Variants in MPZL1 observed in about 807,000 individuals in gnomAD.
The protein encoded by MPZL1 is myelin protein zero like 1, also known as myelin protein zero-like protein 1.
In MPZL1, 16 loss-of-function variants were observed where a neutral mutation model predicts 29.3. The observed-to-expected ratio is 0.55, with a 90% CI of 0.37 to 0.83. The LOEUF is 0.83. MPZL1 is among the 40% of genes least tolerant of loss of function. The pLI, the probability that MPZL1 is intolerant of heterozygous loss-of-function variation, is 0.00. For missense variants in MPZL1, 279 were observed against 332.9 expected (o/e 0.84, Z 1.26); for synonymous variants, 143 against 132.0 (o/e 1.08, Z -0.57).
chr1:167,732,139 AT>A (rs1476720587), intron 1 of MPZL1, among the ~76,000 whole-genome samples: 4 of 152,168 alleles, frequency 2.6e-5, no homozygotes. Flanking sequence ...TATTGTATTA[AT>A]TTTTTAAAAT....
At chr1:167,739,645 A>G (rs905417599) in intron 1 of MPZL1, among the ~76,000 whole-genome samples, 1 of 152,150 alleles carries the variant, frequency 6.6e-6, no homozygotes, top group Non-Finnish European at 1.5e-5. Flanking sequence ...GAGAAGCCCC[A>G]GGGAGCCTGG....
At chr1:167,746,584 G>C (rs1317166535) in intron 1 of MPZL1, among the ~76,000 whole-genome samples, 1 of 152,200 alleles carries the variant, frequency 6.6e-6, no homozygotes, top group Non-Finnish European at 1.5e-5. Flanking sequence ...ACTTTACCAA[G>C]GGGGTGCTAT....
intron 1 of MPZL1, among the ~76,000 whole-genome samples, chr1:167,744,002 C>T (rs1040909597): frequency 6.6e-6 from 1 of 151,990 alleles, no homozygotes; most frequent in Non-Finnish European, 1.5e-5. Context: ...AGAGGGACTG[C>T]TTTCAACTTT....
intron 5 of MPZL1, among the ~76,000 whole-genome samples, chr1:167,780,739 GA>G (rs1184759656): frequency 6.6e-6 from 1 of 152,156 alleles, no homozygotes; most frequent in Admixed American, 6.5e-5. Flanking sequence ...GGGGAAGGAA[GA>G]ATAGGGAGTT....
At chr1:167,734,260 A>C (rs1202561202) in intron 1 of MPZL1, among the ~76,000 whole-genome samples, 1 of 151,888 alleles carries the variant, frequency 6.6e-6, no homozygotes, top group Non-Finnish European at 1.5e-5. Context: ...CATCTCAAAA[A>C]AAAAAAAAGA....
At chr1:167,769,129 A>T (rs1346621408) in intron 2 of MPZL1, among the ~76,000 whole-genome samples, 4 of 152,170 alleles carry the variant, frequency 2.6e-5, no homozygotes, top group African/African-American at 7.2e-5. Context: ...TATTTATGAA[A>T]TATCAGGTAG....
At chr1:167,737,401 C>T (rs1033317153) in intron 1 of MPZL1, among the ~76,000 whole-genome samples, 1 of 152,104 alleles carries the variant, frequency 6.6e-6, no homozygotes, top group African/African-American at 2.4e-5. Context: ...GGCTCAGGGC[C>T]AGGATGAGGC....
chr1:167,781,784 G>A lies in MPZL1; in HGVS notation c.708+5618G>A, dbSNP rs1294911171. Among the ~76,000 whole-genome samples the A allele has an allele frequency of 3.9e-5, 6 of 152,090 alleles. No homozygotes were observed. In the East Asian group the frequency reaches 1.2e-3, roughly 29 times the overall value. ...TGTAGGTAATCTGTCGCTTCTCTCT[G>A]GCTGCTTTTCGGATCTTCTTTATGC... On this transcript the variant is annotated intron_variant, in intron 5 of 5. Transcript: ENST00000359523.
chr1:167,752,262 T>G (rs756142564), intron 1 of MPZL1, among the ~76,000 whole-genome samples: 16 of 152,184 alleles, frequency 1.1e-4, no homozygotes, highest in Non-Finnish European at 2.1e-4. Flanking sequence ...TTTTTCAAAT[T>G]TTGACTTTAA....
In MPZL1 at chr1:167,765,589, C is replaced by A; in HGVS notation, c.98C>A (p.Ala33Asp). Residue 33 changes from alanine to aspartate, a missense_variant, in exon 2 of 6, where the codon GCT (alanine) becomes GAT (aspartate). Physicochemically the swap from Ala to Asp is moderately radical, Grantham distance 126 (BLOSUM62 -2). Transcript: ENST00000359523. ...CTTATTCCTTTCTCTTCAGTGACAGCTGGAGTATCAGCCTTGGAAGTATAT... is the reference window on the plus strand; with the variant it reads ...CTTATTCCTTTCTCTTCAGTGACAGATGGAGTATCAGCCTTGGAAGTATAT... The part of the protein sequence containing the change: ...VLAAALGLLT[A>D]GVSALEVYTP... 6.2e-7 allele frequency: 1 copy of A among 1,605,716 alleles called. No individual in the cohort carries two copies. The highest frequency in any genetic ancestry group is 8.5e-7 in the Non-Finnish European group (1 of 1,176,142).
intron 1 of MPZL1, among the ~76,000 whole-genome samples, chr1:167,748,078 CATA>C (rs1660683618): frequency 6.6e-6 from 1 of 152,070 alleles, no homozygotes. Flanking sequence ...TTTTTATAGC[CATA>C]ATATTCCATT....
chr1:167,771,994 G>A (rs1207134164), intron 2 of MPZL1, among the ~76,000 whole-genome samples: 5 of 152,090 alleles, frequency 3.3e-5, no homozygotes, highest in South Asian at 2.1e-4. Context: ...GTGGCCGCAC[G>A]TGCCTGCAAT....
intron 1 of MPZL1, among the ~76,000 whole-genome samples, chr1:167,734,800 G>C (rs144776426): frequency 2.6e-5 from 4 of 152,300 alleles, no homozygotes; most frequent in African/African-American, 9.6e-5. Flanking sequence ...AATTGCCTCA[G>C]ATGTGGGTGG....
chr1:167,747,209 C>T (rs1660664464), intron 1 of MPZL1, among the ~76,000 whole-genome samples: 1 of 152,190 alleles, frequency 6.6e-6, no homozygotes, highest in African/African-American at 2.4e-5. Context: ...CTTTTAAAAA[C>T]ATTTTCTAAT....
intron 1 of MPZL1, among the ~76,000 whole-genome samples, chr1:167,756,708 T>C (rs1660875750): frequency 6.6e-6 from 1 of 152,252 alleles, no homozygotes; most frequent in Non-Finnish European, 1.5e-5. Context: ...TATTCATTCA[T>C]TGATTCACTG....
intron 1 of MPZL1, among the ~76,000 whole-genome samples, chr1:167,747,420 TC>T (rs1660668963): frequency 6.6e-6 from 1 of 152,168 alleles, no homozygotes; most frequent in Admixed American, 6.5e-5. Context: ...AACAGGGGTC[TC>T]ACTATGTTGC....
chr1:167,760,867 G>A lies in MPZL1; in HGVS notation c.92-4716G>A, dbSNP rs73037865. Among the ~76,000 whole-genome samples the A allele has an allele frequency of 1.9e-3, 284 of 151,814 alleles. 2 individuals carry two copies. Among genetic ancestry groups the A allele is most frequent in the African/African-American group, 6.4e-3 (266 of 41,372 alleles). On this transcript the variant is annotated intron_variant, in intron 1 of 5. Coordinates refer to ENST00000359523, the MANE Select transcript of MPZL1 (RefSeq NM_003953.6). Reference sequence around the variant, plus strand: ...AATGTTAAATAGATACGCAGTCAGAGAAATGATCTGGGCTCTTAATCATAT... The same window carrying A: ...AATGTTAAATAGATACGCAGTCAGAAAAATGATCTGGGCTCTTAATCATAT...
intron 1 of MPZL1, among the ~76,000 whole-genome samples, chr1:167,729,862 A>G (rs1660227661): frequency 6.6e-6 from 1 of 152,218 alleles, no homozygotes; most frequent in African/African-American, 2.4e-5. Context: ...TATTTTTATT[A>G]ATTTTATAGA....
chr1:167,762,516 A>G (rs976874497), intron 1 of MPZL1, among the ~76,000 whole-genome samples: 2 of 152,238 alleles, frequency 1.3e-5, no homozygotes, highest in Non-Finnish European at 2.9e-5. Flanking sequence ...TGCATTGATT[A>G]TAGCTCAGCA....
Sources: gnomAD v4.1 joint callset for allele counts (sites outside exome capture counted in the v4.1 genomes callset) on GRCh38, gnomAD v4.1.1 for gene constraint, MANE v1.5 for transcripts, NCBI Gene and HGNC (gene_info 2026-07-23, HGNC 2026-07-21) for gene names.